The following PRDM10 variants were observed in gnomAD, a reference collection of about 807,000 sequenced individuals.
PRDM10 encodes the protein PR domain zinc finger protein 10.
A neutral mutation model predicts 133.1 loss-of-function variants in PRDM10; 65 were observed. The observed-to-expected ratio is 0.49, with a 90% confidence interval of 0.40 to 0.60. The LOEUF is 0.60. Among genes scored for constraint, PRDM10 ranks in the 20% least tolerant of loss-of-function variants. The pLI is 0.00. For synonymous variants in PRDM10, 582 were observed against 580.4 expected (o/e 1.00, Z -0.04); for missense variants, 1,137 against 1,507.1 (o/e 0.75, Z 4.07).
rs1300117070 is a variant in PRDM10 at position 129,923,702 on chromosome 11, T to C, written c.1879-299A>G. On this transcript the variant is annotated intron_variant, in intron 12 of 20. Coordinates refer to ENST00000360871, the MANE Select transcript of PRDM10 (RefSeq NM_199437.2). The surrounding 1 kb of genome is among the most constrained non-coding windows in gnomAD (Gnocchi z 4.4). ...AGAGAGAGAGAGAGAGAGTGCTTGCTTGGTCAAAGCCCTGATCACTTGAAG... is the reference window on the plus strand; with the variant it reads ...AGAGAGAGAGAGAGAGAGTGCTTGCCTGGTCAAAGCCCTGATCACTTGAAG... Among the ~76,000 whole-genome samples, 2 of 88,102 alleles carry C rather than the reference T, an allele frequency of 2.3e-5. No individual in the cohort carries two copies. The highest frequency in any genetic ancestry group is 5.5e-5 in the African/African-American group (1 of 18,186). 57.8% of individuals were successfully genotyped at this position (88,102 alleles called of 152,430 possible).
At chr11:129,974,199 G>T (rs1937636617) in intron 1 of PRDM10, among the ~76,000 whole-genome samples, 1 of 152,192 alleles carries the variant, frequency 6.6e-6, no homozygotes, top group Admixed American at 6.5e-5. Flanking sequence ...GAGAACAGAG[G>T]CTAGACTATG....
At position 129,902,026 on chromosome 11, in the gene PRDM10, A is replaced by G. The variant is rs983972851; in HGVS notation, c.*287T>C. ...CCACAAAGGAAAAGTAAGGCTCGTC[A>G]GTATGTTAAAAGACCAGCTCAAGAG... On this transcript the variant is annotated 3_prime_UTR_variant, in exon 21 of 21. Coordinates refer to ENST00000360871, the MANE Select transcript of PRDM10 (RefSeq NM_199437.2). 8.8e-6 allele frequency: 3 copies of G among 340,384 alleles called. No individual in the cohort carries two copies. The highest frequency in any genetic ancestry group is 1.1e-5 in the Non-Finnish European group (2 of 186,560). 21.1% of individuals were successfully genotyped at this position (340,384 alleles called of 1,614,324 possible). A position where few individuals can be genotyped will look rare whatever the true frequency, so the allele number is the denominator to read the frequency against.
intron 1 of PRDM10, among the ~76,000 whole-genome samples, chr11:129,966,439 A>G (rs1951909096): frequency 6.6e-6 from 1 of 152,204 alleles, no homozygotes; most frequent in South Asian, 2.1e-4. Flanking sequence ...CAGTCAGGAC[A>G]TAGGGTCACT....
chr11:129,937,523 T>C (rs934535936), intron 8 of PRDM10, 75 bp downstream of exon 8: 2 of 1,388,872 alleles, frequency 1.4e-6, no homozygotes, highest in African/African-American at 1.5e-5. Context: ...AAAAAAAAAT[T>C]AGAGGTTTCA....
At chr11:129,972,341 A>G (rs1485530483) in intron 1 of PRDM10, among the ~76,000 whole-genome samples, 3 of 152,258 alleles carry the variant, frequency 2.0e-5, no homozygotes, top group Non-Finnish European at 4.4e-5. Context: ...AGGTGCCGAG[A>G]GCGAGCGAGG....
chr11:129,914,738 T>C lies in PRDM10; in HGVS notation c.2807A>G (p.Gln936Arg), dbSNP rs1411464636. 3.1e-6 allele frequency: 5 copies of C among 1,614,138 alleles called. No homozygotes were observed. Among genetic ancestry groups the C allele is most frequent in the Admixed American group, 1.7e-5 (1 of 60,010 alleles). Residue 936 changes from glutamine (Q) to arginine (R), a missense_variant, in exon 17 of 21, where the codon CAG (glutamine) becomes CGG (arginine). Coordinates refer to ENST00000360871, the MANE Select transcript of PRDM10 (RefSeq NM_199437.2). ...TTGAACCACTTGCAGCTGTATGTGC[T>C]GAGGCTGCTGGAGGCCAGACGCCGA... Reference protein sequence around the residue: ...SQSASGLQQPQHIQLQVVQVA... With the variant: ...SQSASGLQQPRHIQLQVVQVA...
At chr11:130,001,546 C>G (rs1450507811) in intron 1 of PRDM10, among the ~76,000 whole-genome samples, 1 of 152,172 alleles carries the variant, frequency 6.6e-6, no homozygotes, top group Non-Finnish European at 1.5e-5. Flanking sequence ...TCGATGACAG[C>G]ACAAAGCCAC....
chr11:129,910,960 G>A (rs944410061), intron 18 of PRDM10, among the ~76,000 whole-genome samples: 1 of 152,180 alleles, frequency 6.6e-6, no homozygotes, highest in South Asian at 2.1e-4. Context: ...ATTTTTAGTA[G>A]AGAAGGGGTT....
intron 1 of PRDM10, among the ~76,000 whole-genome samples, chr11:129,969,782 G>A (rs1951980418): frequency 6.6e-6 from 1 of 152,170 alleles, no homozygotes; most frequent in Non-Finnish European, 1.5e-5. Flanking sequence ...ACTCCAGCCT[G>A]GGTGACAGAG....
At chr11:129,916,442 A>G (rs957421692) in intron 15 of PRDM10, among the ~76,000 whole-genome samples, 1 of 152,358 alleles carries the variant, frequency 6.6e-6, no homozygotes, top group Middle Eastern at 3.4e-3. Flanking sequence ...AGGGTGGATC[A>G]TCCTGGCCAA....
intron 13 of PRDM10, among the ~76,000 whole-genome samples, chr11:129,921,533 T>C (rs1950523160): frequency 6.6e-6 from 1 of 152,180 alleles, no homozygotes; most frequent in Non-Finnish European, 1.5e-5. Context: ...TTTATCTGCG[T>C]GAAGAGCTAT....
In PRDM10 at chr11:129,918,686, C is replaced by T; in HGVS notation, c.2067G>A (p.Arg689=). 6.2e-7 allele frequency: 1 copy of T among 1,613,922 alleles called. No homozygotes were observed. Among genetic ancestry groups the T allele is most frequent in the South Asian group, 1.1e-5 (1 of 91,048 alleles). ...TGGCCTCCCTCTCAGGATTATGCATCCTCTGCATGTGTTCCCGTAGTTTGT... is the reference window on the plus strand; with the variant it reads ...TGGCCTCCCTCTCAGGATTATGCATTCTCTGCATGTGTTCCCGTAGTTTGT... ...RKDKLREHMQ[R]MHNPEREAKK... Residue 689 remains arginine (R), a synonymous_variant, in exon 14 of 21, where the codon AGG becomes AGA. Coordinates refer to ENST00000360871, the MANE Select transcript of PRDM10 (RefSeq NM_199437.2). The surrounding 1 kb of genome is among the most constrained non-coding windows in gnomAD (Gnocchi z 5.3).
At position 129,918,973 on chromosome 11, in the gene PRDM10, G is replaced by A. The variant is rs1950440975; in HGVS notation, c.2035-255C>T. On this transcript the variant is annotated intron_variant, in intron 13 of 20. Coordinates refer to ENST00000360871, the MANE Select transcript of PRDM10 (RefSeq NM_199437.2). The surrounding 1 kb of genome is among the most constrained non-coding windows in gnomAD (Gnocchi z 5.3). ...AGGAAAGATACATACCGACTTTTGA[G>A]AATAAAGACTGTGCATTTATGTAGA... Among the ~76,000 whole-genome samples, 1 of 152,168 alleles carries A rather than the reference G, an allele frequency of 6.6e-6. No individual in the cohort carries two copies. The highest frequency in any genetic ancestry group is 2.4e-5 in the African/African-American group (1 of 41,428).
intron 1 of PRDM10, among the ~76,000 whole-genome samples, chr11:129,966,421 C>G (rs1463865302): frequency 6.6e-6 from 1 of 152,170 alleles, no homozygotes; most frequent in Non-Finnish European, 1.5e-5. Flanking sequence ...TTACTGTCAT[C>G]CAGGTGGCAG....
At chr11:129,954,626 G>T (rs1430092351) in intron 4 of PRDM10, among the ~76,000 whole-genome samples, 2 of 151,854 alleles carry the variant, frequency 1.3e-5, no homozygotes, top group African/African-American at 4.8e-5. Context: ...CAGTAATATA[G>T]ACAAATTACA....
chr11:130,001,356 G>C (rs999235174), intron 1 of PRDM10, among the ~76,000 whole-genome samples: 6 of 152,120 alleles, frequency 3.9e-5, no homozygotes, highest in African/African-American at 1.4e-4. Flanking sequence ...GAAACAAAGA[G>C]AACAGGTCAG....
chr11:129,985,240 A>G (rs965656929), intron 1 of PRDM10, among the ~76,000 whole-genome samples: 2 of 152,212 alleles, frequency 1.3e-5, no homozygotes, highest in African/African-American at 4.8e-5. Context: ...AAATAATGGT[A>G]TTTAACTGTT....
chr11:129,954,257 AATTT>A lies in PRDM10; in HGVS notation c.294+1251_294+1254del, dbSNP rs199804677. On this transcript the variant is annotated intron_variant, in intron 4 of 20. Transcript: ENST00000360871. ...TGCTTCTTCTTTTAAATTTTAATTT[AATTT>A]ATTTATTTTTTTTTTTTTTGAGATG... Among the ~76,000 whole-genome samples, 465 of 136,414 alleles carry A rather than the reference AATTT, an allele frequency of 3.4e-3. 5 individuals are homozygous for A. The highest frequency in any genetic ancestry group is 0.014 in the African/African-American group (430 of 31,380). The allele number at this position is 136,414 out of a possible 152,430, so 89.5% of individuals were successfully genotyped here.
At chr11:129,908,411 C>T (rs548584363) in intron 19 of PRDM10, among the ~76,000 whole-genome samples, 16 of 102 alleles carry the variant, frequency 0.16, no homozygotes, top group South Asian at 0.5. Flanking sequence ...GTCAAAGCTG[C>T]AGGAGCCACG....
Sources: gnomAD v4.1 joint callset for allele counts (sites outside exome capture counted in the v4.1 genomes callset) on GRCh38, gnomAD v4.1.1 for gene constraint, Gnocchi (gnomAD v3.1) non-coding constraint, MANE v1.5 for transcripts, NCBI Gene and HGNC (gene_info 2026-07-23, HGNC 2026-07-21) for gene names.